CRYAB: variants seen among roughly 807,000 people sequenced by gnomAD.
CRYAB encodes alpha-crystallin B chain.
A neutral mutation model predicts 12.7 loss-of-function variants in CRYAB; 9 were observed. That is an observed-to-expected ratio of 0.71 (90% CI 0.43 to 1.24). The LOEUF is 1.24. Ranked by LOEUF, CRYAB falls within the 50% of genes most tolerant of loss-of-function variation. The probability of loss-of-function intolerance (pLI) is 0.00; values close to 1 mark genes in which losing one functional copy is unlikely to be tolerated. For missense variants in CRYAB, 183 were observed against 226.6 expected (o/e 0.81, Z 1.24); for synonymous variants, 93 against 86.8 (o/e 1.07, Z -0.40).
intron 1 of CRYAB, among the ~76,000 whole-genome samples, chr11:111,922,249 C>T (rs375886522): frequency 2.0e-5 from 3 of 152,216 alleles, no homozygotes; most frequent in African/African-American, 4.8e-5. Flanking sequence ...TCTAGAGACA[C>T]TATACCAAAT....
chr11:111,912,947 T>TC, upstream of CRYAB: 2 of 1,143,322 alleles, frequency 1.7e-6, no homozygotes, highest in Non-Finnish European at 2.3e-6. Flanking sequence ...ACCACCCCCT[T>TC]GCCCCCCACC....
chr11:111,913,559 G>T (rs1054895107), upstream of CRYAB: 2 of 1,614,174 alleles, frequency 1.2e-6, no homozygotes, highest in Non-Finnish European at 1.7e-6. Context: ...GGCTCAGTGA[G>T]GGCAAGTTCC....
chr11:111,913,663 G>C (rs782166841), upstream of CRYAB: 1 of 1,614,010 alleles, frequency 6.2e-7, no homozygotes, highest in Non-Finnish European at 8.5e-7. Flanking sequence ...CACCCCCAGC[G>C]CCTGGACCGC....
intron 2 of CRYAB, chr11:111,909,371 T>C (rs1555165310): frequency 3.0e-6 from 1 of 329,396 alleles, no homozygotes; most frequent in Non-Finnish European, 5.7e-6. Flanking sequence ...ATAGGACTGC[T>C]GCTGAAATTA....
chr11:111,910,634 CTA>C, intron 1 of CRYAB, 185 bp from the exon 2 acceptor site: 1 of 736,006 alleles, frequency 1.4e-6, no homozygotes, highest in Non-Finnish European at 2.3e-6. Context: ...ACAGTGATAC[CTA>C]AGGCTCATGG....
intron 1 of CRYAB, among the ~76,000 whole-genome samples, chr11:111,918,441 AC>A: frequency 6.6e-6 from 1 of 152,130 alleles, no homozygotes; most frequent in Non-Finnish European, 1.5e-5. Flanking sequence ...TATATGAGGA[AC>A]CCATTTCCCC....
upstream of CRYAB, chr11:111,912,805 C>T: frequency 1.3e-6 from 2 of 1,571,320 alleles, no homozygotes; most frequent in Non-Finnish European, 1.7e-6. Flanking sequence ...CACCTCGGAC[C>T]AGGGCTTCTG....
chr11:111,913,846 C>T (rs192172142), upstream of CRYAB: 595 of 1,613,578 alleles, frequency 3.7e-4, 1 homozygote, highest in East Asian at 3.0e-3. Flanking sequence ...CTGCTCCCTG[C>T]GCCTCCTGAT....
chr11:111,915,560 T>C (rs782755814), upstream of CRYAB, among the ~76,000 whole-genome samples: 7 of 152,194 alleles, frequency 4.6e-5, no homozygotes, highest in Non-Finnish European at 8.8e-5. Context: ...AGCTTCACAT[T>C]GATATGTTTT....
At chr11:111,919,705 CCCT>C (rs1416165306) in intron 1 of CRYAB, among the ~76,000 whole-genome samples, 5 of 152,026 alleles carry the variant, frequency 3.3e-5, no homozygotes, top group African/African-American at 1.2e-4. Context: ...ATGGTTTTGC[CCCT>C]CCTCCTATTT....
intron 1 of CRYAB, among the ~76,000 whole-genome samples, chr11:111,921,668 G>A (rs781820805): frequency 3.9e-5 from 6 of 152,178 alleles, no homozygotes; most frequent in Non-Finnish European, 8.8e-5. Flanking sequence ...CTTCCCAAGT[G>A]TTGGTATTCT....
Position 111,910,836 on chromosome 11 carries a change from A to G in CRYAB, c.202-387T>C, listed in dbSNP as rs1282604333. The G allele has an allele frequency of 9.1e-6, 3 of 331,036 alleles. No homozygotes were observed. The East Asian group carries it at 2.3e-4, about 25-fold the overall frequency. 20.5% of individuals were successfully genotyped at this position (331,036 alleles called of 1,614,324 possible). ...TCTTTGCCAGTTTTCCACCCACCCA[A>G]TCTGGAATGTTCTGCTGGTCCTGCT... On this transcript the variant is annotated intron_variant, in intron 1 of 2. Coordinates refer to ENST00000650687, the MANE Select transcript of CRYAB (RefSeq NM_001289808.2).
At chr11:111,912,496 CG>C, upstream of CRYAB, 1 of 433,036 alleles carries the variant, frequency 2.3e-6, no homozygotes. Context: ...AGGGTCTCAG[CG>C]AGGCCTCTTC....
chr11:111,912,773 C>A, upstream of CRYAB: 1 of 1,315,834 alleles, frequency 7.6e-7, no homozygotes, highest in South Asian at 1.2e-5. Flanking sequence ...CTGGAGGGGT[C>A]GCGCTGCGCC....
chr11:111,909,547 T>TA (rs1453762931), intron 2 of CRYAB, among the ~76,000 whole-genome samples: 10 of 152,202 alleles, frequency 6.6e-5, no homozygotes, highest in Non-Finnish European at 1.3e-4. Flanking sequence ...AGCCCTCTTA[T>TA]AAAGTCATAA....
At chr11:111,913,977 A>G (rs1965555783), upstream of CRYAB, 3 of 1,230,378 alleles carry the variant, frequency 2.4e-6, no homozygotes, top group African/African-American at 4.5e-5. Flanking sequence ...CAGAGGTAGC[A>G]GCATCCTTGG....
At position 111,908,740 on chromosome 11, in the gene CRYAB, A is replaced by C; in HGVS notation, c.*24T>G. ...TGGTGGGGAAACTTTCTTGTTTTAA[A>C]AAATGCAATTCAAGAAAGGGCATCT... On this transcript the variant is annotated 3_prime_UTR_variant, in exon 3 of 3. Transcript: ENST00000650687. 1 of 1,611,142 alleles carries C rather than the reference A, an allele frequency of 6.2e-7. No homozygotes were observed. The highest frequency in any genetic ancestry group is 8.5e-7 in the Non-Finnish European group (1 of 1,178,954).
At chr11:111,917,850 G>A (rs992548861), upstream of CRYAB, among the ~76,000 whole-genome samples, 1 of 151,908 alleles carries the variant, frequency 6.6e-6, no homozygotes, top group Non-Finnish European at 1.5e-5. Context: ...AAAAATAAAA[G>A]AAAGAAAGAA....
chr11:111,914,406 C>T (rs1303783866), upstream of CRYAB, among the ~76,000 whole-genome samples: 1 of 152,224 alleles, frequency 6.6e-6, no homozygotes, highest in Non-Finnish European at 1.5e-5. Flanking sequence ...GGTCTCCAGA[C>T]TGTCTGGCCC....
Sources: allele counts gnomAD v4.1 joint callset (sites outside exome capture counted in the v4.1 genomes callset), GRCh38; gene constraint gnomAD v4.1.1; transcripts MANE v1.5; gene names NCBI Gene and HGNC (gene_info 2026-07-23, HGNC 2026-07-21).